Variants in KLC2 observed in about 807,000 individuals in gnomAD.
The protein encoded by KLC2 is KLC 2.
KLC2 carries 35 observed loss-of-function variants against 75.1 expected under a neutral mutation model. The ratio of observed to expected loss-of-function variants is 0.47; its 90% CI spans 0.36 to 0.62. KLC2 has a LOEUF of 0.62. KLC2 is among the 20% of genes least tolerant of loss of function. KLC2 has a pLI of 0.00. For missense variants in KLC2, 611 were observed against 833.2 expected, an observed-to-expected ratio of 0.73 and a Z score of 3.28; for synonymous variants, 314 against 336.7, an observed-to-expected ratio of 0.93 and a Z score of 0.74.
At chr11:66,265,798 CTGTGTGG>C in intron 12 of KLC2, 35 bp downstream of exon 12, 3 of 1,606,526 alleles carry the variant, frequency 1.9e-6, no homozygotes, top group Non-Finnish European at 2.6e-6. Context: ...GGGCAGACAC[CTGTGTGG>C]CCCTGGGTGT....
At chr11:66,251,358 G>T in the KLC2 span, among the ~76,000 whole-genome samples, 1 of 134,672 alleles carries the variant, frequency 7.4e-6, no homozygotes, top group Non-Finnish European at 1.7e-5. Flanking sequence ...CGGGCATAGT[G>T]GCGGGCACCT....
intron 11 of KLC2, 77 bp downstream of exon 11, chr11:66,265,312 C>T: frequency 8.0e-7 from 1 of 1,253,300 alleles, no homozygotes; most frequent in Non-Finnish European, 1.1e-6. Flanking sequence ...ACCCCCAACA[C>T]ACCCCTCCTC....
chr11:66,246,745 A>G, the KLC2 span, among the ~76,000 whole-genome samples: 3 of 152,038 alleles, frequency 2.0e-5, no homozygotes, highest in Non-Finnish European at 2.9e-5. Context: ...TTTCCTCACA[A>G]TCCCACCAAA....
chr11:66,264,986 T>C (rs764287705), intron 9 of KLC2, 37 bp from the exon 10 acceptor site: 16 of 1,608,566 alleles, frequency 9.9e-6, no homozygotes, highest in Admixed American at 3.3e-5. Context: ...GTGAGACCTA[T>C]ATGGTAGGCT....
At chr11:66,247,017 C>T in the KLC2 span, among the ~76,000 whole-genome samples, 10 of 152,220 alleles carry the variant, frequency 6.6e-5, no homozygotes, top group African/African-American at 7.2e-5. Context: ...GGAGCTCACT[C>T]GGCCCCATGG....
At chr11:66,263,525 C>T in intron 5 of KLC2, 135 bp from the exon 6 acceptor site, 1 of 635,880 alleles carries the variant, frequency 1.6e-6, no homozygotes, top group Non-Finnish European at 2.8e-6. Context: ...AGGAGCTGAG[C>T]AGGTCTCCCC....
intron 2 of KLC2, 63 bp downstream of exon 2, chr11:66,258,885 C>A: frequency 8.7e-7 from 1 of 1,143,000 alleles, no homozygotes; most frequent in Non-Finnish European, 1.3e-6. Flanking sequence ...CAAGAGGAAT[C>A]CGGTAATGTA....
chr11:66,253,192 C>T (rs997005217), upstream of KLC2, among the ~76,000 whole-genome samples: 3 of 151,864 alleles, frequency 2.0e-5, no homozygotes, highest in South Asian at 6.2e-4. Flanking sequence ...TAGTCTCAAA[C>T]TCCTGACCTC....
At chr11:66,263,278 G>C (rs376280811) in intron 5 of KLC2, among the ~76,000 whole-genome samples, 1 of 152,140 alleles carries the variant, frequency 6.6e-6, no homozygotes, top group South Asian at 2.1e-4. Flanking sequence ...GCTGGAGGAG[G>C]GGCTTTGCCA....
At chr11:66,251,867 T>G in the KLC2 span, among the ~76,000 whole-genome samples, 21 of 152,250 alleles carry the variant, frequency 1.4e-4, no homozygotes, top group Non-Finnish European at 2.2e-4. Context: ...CTTAGTGCTA[T>G]TCCAACTGGA....
At chr11:66,255,978 C>T (rs549962362), upstream of KLC2, among the ~76,000 whole-genome samples, 47 of 152,100 alleles carry the variant, frequency 3.1e-4, 2 homozygotes, top group African/African-American at 1.1e-3. Flanking sequence ...ATTGGTCAAG[C>T]TGGTCTCAAA....
rs1161799709 is a variant in KLC2 at position 66,263,109 on chromosome 11, C to T, written c.752+73C>T. 7.4e-5 allele frequency: 87 copies of T among 1,168,944 alleles called. 2 individuals carry two copies. The South Asian group carries it at 1.2e-3, about 16-fold the overall frequency. 72.4% of individuals were successfully genotyped at this position (1,168,944 alleles called of 1,614,324 possible). On this transcript the variant is annotated intron_variant, in intron 5 of 15. Coordinates refer to ENST00000394067, the MANE Select transcript of KLC2 (RefSeq NM_001318734.2). ...CTGGATCACTAACCCTTGGTGCCTG[C>T]TGTGGGCCAGGACTCGTGGCCCACC... is the stretch of plus-strand genomic sequence containing the variant.
Position 66,267,813 on chromosome 11 carries a change from CTCA to C in KLC2, c.*859_*861del, listed in dbSNP as rs2134851688. 1 of 302,282 alleles carries C rather than the reference CTCA, an allele frequency of 3.3e-6. No homozygotes were observed. The highest frequency in any genetic ancestry group is 5.2e-6 in the Non-Finnish European group (1 of 191,404). The allele number at this position is 302,282 out of a possible 1,614,324, so 18.7% of individuals were successfully genotyped here. ...CCCTGTTGCGGGTGAGGCGGCTGCT[CTCA>C]TATTTTCAGATGTTGCTGTAGAAAT... On this transcript the variant is annotated 3_prime_UTR_variant, in exon 16 of 16. Transcript: ENST00000394067.
chr11:66,267,857 C>T lies in KLC2; in HGVS notation c.*901C>T. Reference sequence around the variant, plus strand: ...CTGTAGAAATAAAGACGGTTTAAATCTGAGCTGGGCTTGTTTTGAGACGGA... The same window carrying T: ...CTGTAGAAATAAAGACGGTTTAAATTTGAGCTGGGCTTGTTTTGAGACGGA... On this transcript the variant is annotated 3_prime_UTR_variant, in exon 16 of 16. Coordinates refer to ENST00000394067, the MANE Select transcript of KLC2 (RefSeq NM_001318734.2). 2.4e-6 allele frequency: 1 copy of T among 418,070 alleles called. No homozygotes were observed. The allele number at this position is 418,070 out of a possible 1,614,324, so 25.9% of individuals were successfully genotyped here.
chr11:66,264,960 T>G (rs1240316866), intron 9 of KLC2, 63 bp from the exon 10 acceptor site: 4 of 1,548,568 alleles, frequency 2.6e-6, no homozygotes, highest in Non-Finnish European at 3.5e-6. Context: ...CCCAGTCCTG[T>G]GTCCAGCCCA....
intron 3 of KLC2, 58 bp downstream of exon 3, chr11:66,262,030 C>T (rs1183641774): frequency 8.8e-6 from 14 of 1,582,848 alleles, no homozygotes; most frequent in Non-Finnish European, 1.2e-5. Flanking sequence ...CAGGGAGGGG[C>T]AGCATGGAGC....
chr11:66,266,618 G>T, intron 15 of KLC2, 128 bp downstream of exon 15: 1 of 1,086,810 alleles, frequency 9.2e-7, no homozygotes, highest in Non-Finnish European at 1.4e-6. Flanking sequence ...CCTACTTTGG[G>T]CTGGACAACG....
chr11:66,256,649 G>A (rs1231373589), upstream of KLC2, among the ~76,000 whole-genome samples: 1 of 152,158 alleles, frequency 6.6e-6, no homozygotes, highest in Non-Finnish European at 1.5e-5. Flanking sequence ...CAGCTTGGAT[G>A]ATAAAGTAAG....
rs199934511 is a variant in KLC2 at position 66,263,709 on chromosome 11, G to A, written c.802G>A (p.Ala268Thr). Residue 268 changes from alanine (A) to threonine (T), a missense_variant, in exon 6 of 16, where the codon GCC (alanine) becomes ACC (threonine). Coordinates refer to ENST00000394067, the MANE Select transcript of KLC2 (RefSeq NM_001318734.2). ...EAAHLLNDAL[A>T]IREKTLGKDH... ...TGCCCACCTGCTCAATGATGCTCTG[G>A]CCATCCGGGAGAAAACACTGGGCAA... 1.4e-5 allele frequency: 23 copies of A among 1,613,968 alleles called. No individual in the cohort carries two copies. Among genetic ancestry groups the A allele is most frequent in the Non-Finnish European group, 1.9e-5 (22 of 1,179,976 alleles).
Sources: gnomAD v4.1 joint callset for allele counts (sites outside exome capture counted in the v4.1 genomes callset) on GRCh38, gnomAD v4.1.1 for gene constraint, MANE v1.5 for transcripts, NCBI Gene and HGNC (gene_info 2026-07-23, HGNC 2026-07-21) for gene names.